BICD1: variants seen among roughly 807,000 people sequenced by gnomAD.
The protein encoded by BICD1 is protein bicaudal D homolog 1.
In BICD1, 35 loss-of-function variants were observed where a neutral mutation model predicts 92.5. The observed-to-expected ratio is 0.38, with a 90% CI of 0.29 to 0.50. The LOEUF is 0.50. BICD1 is among the 20% of genes least tolerant of loss of function. BICD1 has a pLI of 0.93. For synonymous variants in BICD1, 429 were observed against 465.1 expected, an observed-to-expected ratio of 0.92 and a Z score of 1.00; for missense variants, 950 against 1,189.8, an observed-to-expected ratio of 0.80 and a Z score of 2.97.
rs1159534561 is a variant in BICD1, at chr12:32,116,486, CTCTCTTTCTCTCTCTCTCTCTCTCTA to C, written c.213+8944_213+8969del. On this transcript the variant is annotated intron_variant, in intron 1 of 9. Coordinates refer to ENST00000652176, the MANE Select transcript of BICD1 (RefSeq NM_001714.4). ...TGTCTCTCTCTCTCTCTCTCTCTCT[CTCTCTTTCTCTCTCTCTCTCTCTCTA>C]TATATATATATATATATGTAATTTT... 8.7e-3 allele frequency among the ~76,000 whole-genome samples: 1,014 copies of C among 117,156 alleles called. 9 individuals are homozygous for C. The highest frequency in any genetic ancestry group is 0.013 in the Admixed American group (145 of 11,056). 76.9% of individuals were successfully genotyped at this position (117,156 alleles called of 152,430 possible).
At chr12:32,241,132 G>C (rs762446868) in intron 2 of BICD1, among the ~76,000 whole-genome samples, 2 of 152,158 alleles carry the variant, frequency 1.3e-5, no homozygotes, top group East Asian at 1.9e-4. Context: ...CGATGTGTAC[G>C]TGCAGAAAGT....
chr12:32,144,953 G>A (rs935246073), intron 1 of BICD1, among the ~76,000 whole-genome samples: 3 of 152,188 alleles, frequency 2.0e-5, no homozygotes, highest in Non-Finnish European at 4.4e-5. Context: ...ATGGGTAGGG[G>A]CAAGTGCTGT....
At position 32,107,070 on chromosome 12, in the gene BICD1, C is replaced by G; in HGVS notation, c.-262C>G. ...CTGCTGACCGCACGCAGGGGCCGGC[C>G]CCGAGGACACATGCGGCGGCCTTTG... On this transcript the variant is annotated 5_prime_UTR_variant, in exon 1 of 10. Coordinates refer to ENST00000652176, the MANE Select transcript of BICD1 (RefSeq NM_001714.4). The G allele has an allele frequency of 2.1e-6, 1 of 476,106 alleles. No individual in the cohort carries two copies. The highest frequency in any genetic ancestry group is 2.4e-5 in the South Asian group (1 of 42,024). The allele number at this position is 476,106 out of a possible 1,614,324, so 29.5% of individuals were successfully genotyped here.
chr12:32,328,090 C>T lies in BICD1; in HGVS notation c.1635C>T (p.Arg545=), dbSNP rs74831601. 1.7e-3 allele frequency: 2,674 copies of T among 1,614,150 alleles called. 7 individuals are homozygous for T. Among genetic ancestry groups the T allele is most frequent in the Non-Finnish European group, 2.2e-3 (2,560 of 1,180,022 alleles). ...LDYYRQSRVT[R]SGSLKGPDDP... ...ACTATAGGCAGAGCAGAGTCACCCG[C>T]AGTGGCAGCCTGAAAGGGCCCGATG... Residue 545 remains arginine, a synonymous_variant, in exon 5 of 10, where the codon CGC becomes CGT. Coordinates refer to ENST00000652176, the MANE Select transcript of BICD1 (RefSeq NM_001714.4). The surrounding 1 kb of genome is among the most constrained non-coding windows in gnomAD (Gnocchi z 4.4).
At position 32,378,582 on chromosome 12, in the gene BICD1, T is replaced by C. The variant is rs1423658381; in HGVS notation, c.*955T>C. On this transcript the variant is annotated 3_prime_UTR_variant, in exon 10 of 10. Coordinates refer to ENST00000652176, the MANE Select transcript of BICD1 (RefSeq NM_001714.4). ...AGAATTTTTTTTACTTCTCCCAAAA[T>C]CAGGGTCCTACTGAGTCTTTCCTGA... 2 of 152,152 alleles carry C rather than the reference T, an allele frequency of 1.3e-5. No homozygotes were observed. The highest frequency in any genetic ancestry group is 1.9e-4 in the East Asian group (1 of 5,204). 9.4% of individuals were successfully genotyped at this position (152,152 alleles called of 1,614,324 possible). A position where few individuals can be genotyped will look rare whatever the true frequency, so the allele number is the denominator to read the frequency against.
intron 2 of BICD1, among the ~76,000 whole-genome samples, chr12:32,262,421 C>A (rs1267548900): frequency 5.3e-5 from 8 of 152,130 alleles, no homozygotes; most frequent in Admixed American, 3.9e-4. Context: ...CTTTCAGACA[C>A]CTGCCACCCT....
chr12:32,169,362 TCTC>T (rs1489500043), intron 1 of BICD1, among the ~76,000 whole-genome samples: 4 of 152,182 alleles, frequency 2.6e-5, no homozygotes, highest in East Asian at 1.9e-4. Context: ...AGAATTCAGT[TCTC>T]CTTCTGAGGC....
intron 2 of BICD1, among the ~76,000 whole-genome samples, chr12:32,231,298 C>T (rs563787332): frequency 7.2e-5 from 11 of 152,064 alleles, no homozygotes; most frequent in Non-Finnish European, 1.6e-4. Context: ...TCCTGGGCAA[C>T]ATGGCGAAAC....
intron 4 of BICD1, among the ~76,000 whole-genome samples, chr12:32,315,634 T>C (rs2136234610): frequency 6.6e-6 from 1 of 152,206 alleles, no homozygotes; most frequent in South Asian, 2.1e-4. Flanking sequence ...CTTCTTTCAT[T>C]TCTTTCAACA....
chr12:32,219,370 T>C (rs1945448619), intron 2 of BICD1, among the ~76,000 whole-genome samples: 1 of 152,140 alleles, frequency 6.6e-6, no homozygotes, highest in Non-Finnish European at 1.5e-5. Flanking sequence ...GATAGTATGG[T>C]GGAAAATGGA....
intron 1 of BICD1, among the ~76,000 whole-genome samples, chr12:32,109,967 T>G (rs544592194): frequency 1.3e-5 from 2 of 152,326 alleles, no homozygotes; most frequent in African/African-American, 4.8e-5. Context: ...GATGTTGCAT[T>G]ATATCTATAA....
At chr12:32,177,653 A>C (rs1163330740) in intron 1 of BICD1, among the ~76,000 whole-genome samples, 3 of 131,286 alleles carry the variant, frequency 2.3e-5, no homozygotes, top group African/African-American at 8.7e-5. Flanking sequence ...TGAGTTTACA[A>C]AAAAAGGAAA....
At chr12:32,245,182 T>C (rs535802630) in intron 2 of BICD1, among the ~76,000 whole-genome samples, 4 of 152,280 alleles carry the variant, frequency 2.6e-5, no homozygotes, top group Admixed American at 1.3e-4. Context: ...ATAACTAGAA[T>C]TATATAACTC....
At chr12:32,223,219 T>C (rs1404060223) in intron 2 of BICD1, among the ~76,000 whole-genome samples, 4 of 152,164 alleles carry the variant, frequency 2.6e-5, no homozygotes, top group African/African-American at 7.2e-5. Flanking sequence ...TCAGCCTTCA[T>C]AGAATTGAAG....
At chr12:32,359,919 C>T (rs1215539223) in intron 8 of BICD1, among the ~76,000 whole-genome samples, 1 of 152,166 alleles carries the variant, frequency 6.6e-6, no homozygotes, top group Non-Finnish European at 1.5e-5. Flanking sequence ...GGCGCAATGG[C>T]TCACACCTGT....
In BICD1 at chr12:32,177,515, C is replaced by T. The variant is rs190383658; in HGVS notation, c.214-38732C>T. On this transcript the variant is annotated intron_variant, in intron 1 of 9. Coordinates refer to ENST00000652176, the MANE Select transcript of BICD1 (RefSeq NM_001714.4). ...TATAATCCAAATTTTGTAAGACAAA[C>T]AATAACATGTATGTATATGTTCGCG... Among the ~76,000 whole-genome samples the T allele has an allele frequency of 2.7e-5, 4 of 148,418 alleles. No individual in the cohort carries two copies. In the Admixed American group the frequency reaches 2.7e-4, roughly 10 times the overall value.
chr12:32,304,687 G>T (rs914477023), intron 3 of BICD1, among the ~76,000 whole-genome samples: 7 of 152,142 alleles, frequency 4.6e-5, no homozygotes, highest in African/African-American at 1.7e-4. Flanking sequence ...GTTTGAGGAG[G>T]TTTATTTTTA....
At chr12:32,197,789 G>A (rs941671022) in intron 1 of BICD1, among the ~76,000 whole-genome samples, 1 of 152,140 alleles carries the variant, frequency 6.6e-6, no homozygotes, top group Non-Finnish European at 1.5e-5. Context: ...CAAGAGTTAG[G>A]ATTTATAGTC....
At chr12:32,222,487 T>A (rs896862922) in intron 2 of BICD1, among the ~76,000 whole-genome samples, 4 of 152,172 alleles carry the variant, frequency 2.6e-5, no homozygotes, top group African/African-American at 7.2e-5. Context: ...GGGTACCAAG[T>A]GACAGGCCAT....
Sources: allele counts gnomAD v4.1 joint callset (sites outside exome capture counted in the v4.1 genomes callset), GRCh38; gene constraint gnomAD v4.1.1; non-coding constraint Gnocchi (gnomAD v3.1); transcripts MANE v1.5; gene names NCBI Gene and HGNC (gene_info 2026-07-23, HGNC 2026-07-21).